SRGAP2C: variants seen among roughly 807,000 people sequenced by gnomAD.
SRGAP2C encodes SLIT-ROBO Rho GTPase activating protein 2C, also known as SLIT-ROBO Rho GTPase-activating protein 2C.
SRGAP2C carries 15 observed loss-of-function variants against 25.1 expected under a neutral mutation model. The ratio of observed to expected loss-of-function variants is 0.60; its 90% CI spans 0.40 to 0.92. The LOEUF is 0.92. Ranked by LOEUF, SRGAP2C falls within the 40% of genes least tolerant of loss-of-function variation. The pLI, the probability that SRGAP2C is intolerant of heterozygous loss-of-function variation, is 0.00. For synonymous variants in SRGAP2C, 44 were observed against 96.6 expected, an observed-to-expected ratio of 0.46 and a Z score of 3.19; for missense variants, 144 against 264.4, an observed-to-expected ratio of 0.54 and a Z score of 3.16.
intron 2 of SRGAP2C, among the ~76,000 whole-genome samples, chr1:121,236,261 G>C (rs1189068074): frequency 7.9e-5 from 12 of 151,916 alleles, no homozygotes; most frequent in Non-Finnish European, 1.6e-4. Flanking sequence ...CTCTTGTTGG[G>C]CATCAACAGA....
At chr1:121,270,892 A>T (rs1287054621) in intron 2 of SRGAP2C, among the ~76,000 whole-genome samples, 1 of 149,106 alleles carries the variant, frequency 6.7e-6, no homozygotes, top group Admixed American at 6.7e-5. Context: ...TCCCGGGTTC[A>T]CGCCATTCTC....
At chr1:121,285,402 T>TCA (rs1452003957) in intron 3 of SRGAP2C, among the ~76,000 whole-genome samples, 130 of 128,320 alleles carry the variant, frequency 1.0e-3, no homozygotes, top group African/African-American at 3.3e-3. Flanking sequence ...TCTCTCTCTC[T>TCA]CTCACACACA....
At chr1:121,268,163 T>C (rs1656848295) in intron 2 of SRGAP2C, among the ~76,000 whole-genome samples, 2 of 149,850 alleles carry the variant, frequency 1.3e-5, no homozygotes, top group African/African-American at 4.9e-5. Context: ...GAAGAAAAAT[T>C]AAAATGAGGT....
At chr1:121,345,766 C>A (rs1441941456) in intron 4 of SRGAP2C, among the ~76,000 whole-genome samples, 1 of 149,642 alleles carries the variant, frequency 6.7e-6, no homozygotes, top group Non-Finnish European at 1.5e-5. Context: ...ATTCTCTTGC[C>A]TCAGCCTCCT....
chr1:121,185,033 C>G lies in SRGAP2C; in HGVS notation c.-634C>G. ...CTCCTCCAGGGACTGGGGCACCGATCTGCGTAGAAACGGGTGGCGGGGAAG... is the reference window on the plus strand; with the variant it reads ...CTCCTCCAGGGACTGGGGCACCGATGTGCGTAGAAACGGGTGGCGGGGAAG... On this transcript the variant is annotated 5_prime_UTR_variant, in exon 1 of 10. The change creates a new upstream start codon in the 5' untranslated region. Coordinates refer to ENST00000367123, the MANE Select transcript of SRGAP2C (RefSeq NM_001329984.2). 1 of 517,110 alleles carries G rather than the reference C, an allele frequency of 1.9e-6. No homozygotes were observed. The highest frequency in any genetic ancestry group is 3.4e-6 in the Non-Finnish European group (1 of 293,886). 32.0% of individuals were successfully genotyped at this position (517,110 alleles called of 1,614,324 possible). A position where few individuals can be genotyped will look rare whatever the true frequency, so the allele number is the denominator to read the frequency against.
intron 2 of SRGAP2C, among the ~76,000 whole-genome samples, chr1:121,216,036 G>A (rs1227285684): frequency 6.6e-6 from 1 of 151,824 alleles, no homozygotes; most frequent in African/African-American, 2.4e-5. Context: ...CCCCTGCAGG[G>A]GCCTCTTGAA....
intron 2 of SRGAP2C, among the ~76,000 whole-genome samples, chr1:121,249,566 ATATATATATATATATTT>A (rs1317508969): frequency 3.3e-4 from 11 of 33,222 alleles, no homozygotes; most frequent in East Asian, 2.4e-3. Flanking sequence ...ATATATATAT[ATATATATATATATATTT>A]TTTTTTTTTT....
chr1:121,274,998 A>G (rs1558104273), intron 2 of SRGAP2C, among the ~76,000 whole-genome samples: 1 of 151,160 alleles, frequency 6.6e-6, no homozygotes, highest in African/African-American at 2.4e-5. Flanking sequence ...TGCTTTGCTA[A>G]CTACAGCCCT....
chr1:121,212,427 G>A (rs772853566), intron 2 of SRGAP2C, among the ~76,000 whole-genome samples: 35 of 152,136 alleles, frequency 2.3e-4, no homozygotes, highest in Non-Finnish European at 3.7e-4. Context: ...ACCATACCCA[G>A]CCCAGAATGG....
chr1:121,202,306 T>G (rs147385584), intron 2 of SRGAP2C, among the ~76,000 whole-genome samples: 1 of 152,048 alleles, frequency 6.6e-6, no homozygotes, highest in African/African-American at 2.4e-5. Context: ...GCTACTGGAG[T>G]CTTCTTCTTT....
At chr1:121,217,312 GA>G (rs1429811265) in intron 2 of SRGAP2C, among the ~76,000 whole-genome samples, 4 of 137,510 alleles carry the variant, frequency 2.9e-5, no homozygotes, top group South Asian at 2.4e-4. Context: ...ATTTTCAGGG[GA>G]AAAAAAGTGT....
intron 2 of SRGAP2C, among the ~76,000 whole-genome samples, chr1:121,273,734 A>T (rs71661961): frequency 1.3e-5 from 2 of 151,840 alleles, no homozygotes; most frequent in South Asian, 4.1e-4. Flanking sequence ...TCATTCTTCA[A>T]TTTCTATCTC....
chr1:121,211,458 C>CACACACACACACACACAT (rs1553323708), intron 2 of SRGAP2C, among the ~76,000 whole-genome samples: 3 of 139,500 alleles, frequency 2.2e-5, no homozygotes, highest in East Asian at 2.2e-4. Flanking sequence ...CACACACACA[C>CACACACACACACACACAT]ACATCTTACC....
At position 121,210,295 on chromosome 1, in the gene SRGAP2C, C is replaced by A. The variant is rs587605741; in HGVS notation, c.67+22782C>A. Reference sequence around the variant, plus strand: ...TGACATATGTATGCTGGTTCCCTAGCAGGGTAATTCCATCAGCGCTTTAAA... The same window carrying A: ...TGACATATGTATGCTGGTTCCCTAGAAGGGTAATTCCATCAGCGCTTTAAA... On this transcript the variant is annotated intron_variant, in intron 2 of 9. Coordinates refer to ENST00000367123, the MANE Select transcript of SRGAP2C (RefSeq NM_001329984.2). Among the ~76,000 whole-genome samples, 3 of 142,266 alleles carry A rather than the reference C, an allele frequency of 2.1e-5. No homozygotes were observed. In the South Asian group the frequency reaches 6.6e-4, roughly 32 times the overall value. 93.3% of individuals were successfully genotyped at this position (142,266 alleles called of 152,430 possible).
Position 121,277,346 on chromosome 1 carries a change from G to A in SRGAP2C, c.68-7457G>A, listed in dbSNP as rs1300439692. Among the ~76,000 whole-genome samples, 1,376 of 152,032 alleles carry A rather than the reference G, an allele frequency of 9.1e-3. 34 individuals carry two copies. The highest frequency in any genetic ancestry group is 0.016 in the Non-Finnish European group (1,063 of 67,926). ...TCACTTTATCCATTACCGCCCCTTTGCAAGGGACCAAAAATCCAAGGCAAA... is the reference window on the plus strand; with the variant it reads ...TCACTTTATCCATTACCGCCCCTTTACAAGGGACCAAAAATCCAAGGCAAA... On this transcript the variant is annotated intron_variant, in intron 2 of 9. Coordinates refer to ENST00000367123, the MANE Select transcript of SRGAP2C (RefSeq NM_001329984.2).
intron 2 of SRGAP2C, among the ~76,000 whole-genome samples, chr1:121,232,979 C>T (rs1418412857): frequency 1.5e-5 from 2 of 131,348 alleles, no homozygotes; most frequent in Non-Finnish European, 3.2e-5. Flanking sequence ...TGAGCAGCAG[C>T]TGCATTCTCC....
chr1:121,270,991 G>T (rs191710776), intron 2 of SRGAP2C, among the ~76,000 whole-genome samples: 1 of 151,062 alleles, frequency 6.6e-6, no homozygotes, highest in African/African-American at 2.4e-5. Context: ...TAGAGACGGG[G>T]TTTCACTGTG....
At chr1:121,191,754 T>A (rs1157837719) in intron 2 of SRGAP2C, among the ~76,000 whole-genome samples, 1 of 151,464 alleles carries the variant, frequency 6.6e-6, no homozygotes, top group Admixed American at 6.6e-5. Flanking sequence ...TTACCCTCTC[T>A]ATACCTTGAG....
At chr1:121,304,221 A>G (rs1373617273) in intron 3 of SRGAP2C, among the ~76,000 whole-genome samples, 1 of 127,744 alleles carries the variant, frequency 7.8e-6, no homozygotes, top group Non-Finnish European at 1.6e-5. Flanking sequence ...AAAAAAAAAA[A>G]AAAAAAAAAA....
Sources: allele counts gnomAD v4.1 joint callset (sites outside exome capture counted in the v4.1 genomes callset), GRCh38; gene constraint gnomAD v4.1.1; transcripts MANE v1.5; gene names NCBI Gene and HGNC (gene_info 2026-07-23, HGNC 2026-07-21).